Variants in TNFSF4 observed in about 807,000 individuals in gnomAD.
The protein encoded by TNFSF4 is TNF superfamily member 4.
Under a neutral mutation model 7.3 loss-of-function variants are expected in TNFSF4, and 4 were observed. The observed-to-expected ratio is 0.55, with a 90% CI of 0.27 to 1.25. The LOEUF is 1.25. TNFSF4 is among the 50% of genes most tolerant of loss of function. The pLI, the probability that TNFSF4 is intolerant of heterozygous loss-of-function variation, is 0.12. For missense variants in TNFSF4, 181 were observed against 208.8 expected, an observed-to-expected ratio of 0.87 and a Z score of 0.82; for synonymous variants, 76 against 83.7, an observed-to-expected ratio of 0.91 and a Z score of 0.50.
rs374449847 is a variant in TNFSF4, at chr1:173,188,509, G to A, written c.202+12C>T. 131 of 1,598,340 alleles carry A rather than the reference G, an allele frequency of 8.2e-5. No individual in the cohort carries two copies. The highest frequency in any genetic ancestry group is 1.0e-4 in the Non-Finnish European group (118 of 1,166,812). ...AAAAATATGAATCAATTAAACTTTT[G>A]ACAATACTTACCGGTAAATTGTACT... On this transcript the variant is annotated intron_variant, in intron 2 of 2. Coordinates refer to ENST00000281834, the MANE Select transcript of TNFSF4 (RefSeq NM_003326.5).
At chr1:173,380,047 T>A in the TNFSF4 span, among the ~76,000 whole-genome samples, 1 of 152,194 alleles carries the variant, frequency 6.6e-6, no homozygotes, top group Non-Finnish European at 1.5e-5. Context: ...GGAAATTGAC[T>A]TCCTCCTGGA....
the TNFSF4 span, among the ~76,000 whole-genome samples, chr1:173,248,504 GAA>G: frequency 6.8e-6 from 1 of 147,226 alleles, no homozygotes; most frequent in African/African-American, 2.5e-5. Context: ...AAGAAAGAAA[GAA>G]AGAAAGAGAA....
chr1:173,446,046 T>C, the TNFSF4 span, among the ~76,000 whole-genome samples: 6 of 152,202 alleles, frequency 3.9e-5, no homozygotes, highest in African/African-American at 1.2e-4. Context: ...ATGTCCAGGA[T>C]ACAATCTAAA....
chr1:173,327,892 T>C, the TNFSF4 span, among the ~76,000 whole-genome samples: 1 of 152,098 alleles, frequency 6.6e-6, no homozygotes, highest in African/African-American at 2.4e-5. Flanking sequence ...AGGAACACTT[T>C]CACATTGTTG....
chr1:173,372,123 C>T, the TNFSF4 span, among the ~76,000 whole-genome samples: 11 of 152,234 alleles, frequency 7.2e-5, no homozygotes, highest in Non-Finnish European at 1.6e-4. Context: ...CTGCCTACAA[C>T]AAGTCAAATA....
At chr1:173,389,205 A>G in the TNFSF4 span, among the ~76,000 whole-genome samples, 11 of 152,156 alleles carry the variant, frequency 7.2e-5, no homozygotes, top group Admixed American at 7.2e-4. Flanking sequence ...TTTACCTTCC[A>G]GATATCACTG....
the TNFSF4 span, among the ~76,000 whole-genome samples, chr1:173,425,400 A>G: frequency 2.6e-5 from 4 of 152,202 alleles, no homozygotes; most frequent in Non-Finnish European, 1.5e-5. Flanking sequence ...GAGGCCTGAA[A>G]TAAGAGAATA....
the TNFSF4 span, among the ~76,000 whole-genome samples, chr1:173,327,308 A>C: frequency 4.6e-5 from 7 of 152,352 alleles, no homozygotes; most frequent in Admixed American, 2.0e-4. Flanking sequence ...AAAACTGGAA[A>C]GCTGAAACTG....
chr1:173,277,424 G>C, the TNFSF4 span, among the ~76,000 whole-genome samples: 1 of 152,056 alleles, frequency 6.6e-6, no homozygotes, highest in Non-Finnish European at 1.5e-5. Context: ...CCCCAATTTT[G>C]GGGGGATGCC....
At chr1:173,319,832 C>T in the TNFSF4 span, among the ~76,000 whole-genome samples, 2 of 152,138 alleles carry the variant, frequency 1.3e-5, no homozygotes, top group Admixed American at 1.3e-4. Flanking sequence ...GACCCCCCCA[C>T]AAAAACCCCA....
chr1:173,413,439 C>T, the TNFSF4 span, among the ~76,000 whole-genome samples: 2 of 152,214 alleles, frequency 1.3e-5, no homozygotes, highest in Non-Finnish European at 2.9e-5. Context: ...TGAATCTTGA[C>T]AGGAGGCAGA....
At chr1:173,191,678 C>G (rs987191287) in intron 1 of TNFSF4, among the ~76,000 whole-genome samples, 8 of 152,232 alleles carry the variant, frequency 5.3e-5, no homozygotes, top group African/African-American at 1.7e-4. Context: ...AGAGCATAGA[C>G]TTTGGAGTCA....
chr1:173,338,221 T>C, the TNFSF4 span, among the ~76,000 whole-genome samples: 2 of 152,184 alleles, frequency 1.3e-5, no homozygotes, highest in African/African-American at 2.4e-5. Flanking sequence ...ATGGCTTCCA[T>C]CATGGAAGGG....
chr1:173,174,392 A>G, the TNFSF4 span: 4,702 of 152,242 alleles, frequency 0.031, 97 homozygotes, highest in Middle Eastern at 0.051. Context: ...ATGTATCTTT[A>G]CAGTAGCACC....
the TNFSF4 span, among the ~76,000 whole-genome samples, chr1:173,394,621 G>T: frequency 6.6e-6 from 1 of 152,166 alleles, no homozygotes; most frequent in East Asian, 1.9e-4. Context: ...AAAACAAAAG[G>T]TTGAAGAAAG....
chr1:173,271,000 C>T, the TNFSF4 span, among the ~76,000 whole-genome samples: 2 of 152,124 alleles, frequency 1.3e-5, no homozygotes, highest in East Asian at 1.9e-4. Context: ...TAAGCTGCAT[C>T]GAGTTTAAGC....
the TNFSF4 span, among the ~76,000 whole-genome samples, chr1:173,302,607 C>CA: frequency 6.6e-6 from 1 of 151,926 alleles, no homozygotes; most frequent in African/African-American, 2.4e-5. Context: ...TCAGTTCCTC[C>CA]AACTTCCAAT....
chr1:173,375,364 T>G, the TNFSF4 span, among the ~76,000 whole-genome samples: 1 of 152,168 alleles, frequency 6.6e-6, no homozygotes, highest in Non-Finnish European at 1.5e-5. Flanking sequence ...AGGAAGTAGC[T>G]AGAGCAGTCA....
chr1:173,318,112 T>C, the TNFSF4 span, among the ~76,000 whole-genome samples: 10 of 152,182 alleles, frequency 6.6e-5, no homozygotes, highest in African/African-American at 1.9e-4. Flanking sequence ...TTTCCAGTCT[T>C]CATATTAGGC....
Sources: gnomAD v4.1 joint callset for allele counts (sites outside exome capture counted in the v4.1 genomes callset) on GRCh38, gnomAD v4.1.1 for gene constraint, MANE v1.5 for transcripts, NCBI Gene and HGNC (gene_info 2026-07-23, HGNC 2026-07-21) for gene names.